The following PPP3CC variants were observed in gnomAD, a reference collection of about 807,000 sequenced individuals.
The protein encoded by PPP3CC is serine/threonine-protein phosphatase 2B catalytic subunit gamma isoform.
Under a neutral mutation model 60.3 loss-of-function variants are expected in PPP3CC, and 35 were observed. The ratio of observed to expected loss-of-function variants is 0.58; its 90% CI spans 0.44 to 0.77. The LOEUF is 0.77. PPP3CC is among the 30% of genes least tolerant of loss of function. The pLI is 0.00. For synonymous variants in PPP3CC, 206 were observed against 224.3 expected (o/e 0.92, Z 0.73); for missense variants, 570 against 628.9 (o/e 0.91, Z 1.00).
chr8:22,473,407 A>G (rs781197571), intron 1 of PPP3CC, among the ~76,000 whole-genome samples: 1 of 152,196 alleles, frequency 6.6e-6, no homozygotes, highest in Non-Finnish European at 1.5e-5. Context: ...TACCTAATGT[A>G]AACTGAAGGT....
intron 1 of PPP3CC, among the ~76,000 whole-genome samples, chr8:22,471,664 C>T (rs1260499832): frequency 6.6e-6 from 1 of 152,082 alleles, no homozygotes; most frequent in East Asian, 1.9e-4. Flanking sequence ...AACTGGTACA[C>T]CTGTATAGGG....
chr8:22,488,749 T>A (rs550208307), intron 3 of PPP3CC, among the ~76,000 whole-genome samples: 8 of 152,296 alleles, frequency 5.3e-5, no homozygotes, highest in Admixed American at 1.3e-4. Flanking sequence ...CAGGGCAGGT[T>A]CTTTTGAAGA....
chr8:22,484,510 T>C (rs1290896497), intron 3 of PPP3CC, among the ~76,000 whole-genome samples: 1 of 152,196 alleles, frequency 6.6e-6, no homozygotes, highest in Non-Finnish European at 1.5e-5. Context: ...CCAAACTTAA[T>C]GTTCTTTTTT....
At chr8:22,454,145 AAC>A (rs1350081307) in intron 1 of PPP3CC, among the ~76,000 whole-genome samples, 2 of 152,226 alleles carry the variant, frequency 1.3e-5, no homozygotes, top group Non-Finnish European at 2.9e-5. Context: ...TTAAAACACA[AAC>A]ACATATAGCT....
At chr8:22,493,869 A>G (rs1011290589) in intron 3 of PPP3CC, among the ~76,000 whole-genome samples, 9 of 152,236 alleles carry the variant, frequency 5.9e-5, no homozygotes, top group Admixed American at 3.9e-4. Context: ...ATTTATTATT[A>G]TCAGGTATTA....
At chr8:22,476,764 C>G (rs1164199308) in intron 3 of PPP3CC, among the ~76,000 whole-genome samples, 7 of 151,906 alleles carry the variant, frequency 4.6e-5, no homozygotes, top group Non-Finnish European at 7.4e-5. Flanking sequence ...AACGCCGTCT[C>G]TACTAAAAAT....
At chr8:22,454,319 C>T (rs766251804) in intron 1 of PPP3CC, among the ~76,000 whole-genome samples, 12 of 152,216 alleles carry the variant, frequency 7.9e-5, no homozygotes, top group African/African-American at 1.4e-4. Context: ...ACCTCCACCT[C>T]CTGTCCCACT....
At chr8:22,516,819 A>G (rs1463815317) in intron 6 of PPP3CC, among the ~76,000 whole-genome samples, 1 of 152,200 alleles carries the variant, frequency 6.6e-6, no homozygotes, top group East Asian at 1.9e-4. Context: ...AGGGTCCCTA[A>G]GCACAAAAAG....
intron 1 of PPP3CC, among the ~76,000 whole-genome samples, chr8:22,468,186 C>G (rs1837605460): frequency 6.6e-6 from 1 of 152,178 alleles, no homozygotes; most frequent in South Asian, 2.1e-4. Context: ...TCACTGCAAC[C>G]TCTGCCTCCC....
intron 3 of PPP3CC, among the ~76,000 whole-genome samples, chr8:22,485,323 A>G (rs928835890): frequency 3.9e-5 from 6 of 152,206 alleles, no homozygotes; most frequent in Non-Finnish European, 7.4e-5. Context: ...GAAAGAAAAA[A>G]GAGAGATCCC....
In PPP3CC at chr8:22,530,829, C is replaced by CAA. The variant is rs58626647; in HGVS notation, c.1142-1370_1142-1369dup. Among the ~76,000 whole-genome samples the CAA allele has an allele frequency of 1.4e-3, 83 of 58,028 alleles. 3 individuals are homozygous for CAA. Among genetic ancestry groups the CAA allele is most frequent in the Non-Finnish European group, 2.4e-3 (71 of 29,290 alleles). 38.1% of individuals were successfully genotyped at this position (58,028 alleles called of 152,430 possible). ...CCTGGCGACAGAGCGAGACTCATCT[C>CAA]AAAAAAAAAAAAAAAAAAAAAAAAA... On this transcript the variant is annotated intron_variant, in intron 10 of 13. Coordinates refer to ENST00000240139, the MANE Select transcript of PPP3CC (RefSeq NM_005605.5).
intron 1 of PPP3CC, among the ~76,000 whole-genome samples, chr8:22,463,975 A>T (rs1439899444): frequency 1.3e-5 from 2 of 152,028 alleles, no homozygotes. Flanking sequence ...TTTAAGAGAG[A>T]TGGGGTTTCA....
rs779481855 is a variant in PPP3CC at position 22,532,346 on chromosome 8, T to G, written c.1223+40T>G. The G allele has an allele frequency of 2.6e-6, 4 of 1,509,974 alleles. No individual in the cohort carries two copies. The African/African-American group carries it at 4.2e-5, about 16-fold the overall frequency. 93.5% of individuals were successfully genotyped at this position (1,509,974 alleles called of 1,614,324 possible). On this transcript the variant is annotated intron_variant, in intron 11 of 13. Transcript: ENST00000240139. ...CATTACAGTGCGGATTAAAGGCATT[T>G]TGAGAGTAAATTAGACGTCGAATTC... is the stretch of plus-strand genomic sequence containing the variant.
chr8:22,527,543 A>T lies in PPP3CC; in HGVS notation c.1069+26A>T, dbSNP rs533720362. ...GTAAGAGAACTAAAGCACATGTCTCATCAGTTGTTTGGTGACTGAGCATAC... is the reference window on the plus strand; with the variant it reads ...GTAAGAGAACTAAAGCACATGTCTCTTCAGTTGTTTGGTGACTGAGCATAC... On this transcript the variant is annotated intron_variant, in intron 9 of 13. Coordinates refer to ENST00000240139, the MANE Select transcript of PPP3CC (RefSeq NM_005605.5). The T allele has an allele frequency of 1.6e-5, 25 of 1,610,832 alleles. No homozygotes were observed. In the South Asian group the frequency reaches 2.6e-4, roughly 17 times the overall value.
At chr8:22,531,385 T>TAACCA in intron 10 of PPP3CC, 3 of 1,453,466 alleles carry the variant, frequency 2.1e-6, no homozygotes, top group Non-Finnish European at 2.8e-6. Context: ...CACCATAGTC[T>TAACCA]ATTGGTTAGA....
At chr8:22,529,493 CCTT>C (rs1425927447) in intron 10 of PPP3CC, among the ~76,000 whole-genome samples, 2 of 152,014 alleles carry the variant, frequency 1.3e-5, no homozygotes, top group Non-Finnish European at 2.9e-5. Context: ...TATCTTCTAT[CCTT>C]TTTTTGAGAC....
intron 12 of PPP3CC, 72 bp from the exon 13 acceptor site, chr8:22,539,397 A>T: frequency 6.5e-7 from 1 of 1,547,840 alleles, no homozygotes; most frequent in East Asian, 2.3e-5. Context: ...CTGTGCTGCC[A>T]TCAGTGCTGT....
At chr8:22,456,093 T>A (rs1019940453) in intron 1 of PPP3CC, among the ~76,000 whole-genome samples, 1 of 152,206 alleles carries the variant, frequency 6.6e-6, no homozygotes, top group Non-Finnish European at 1.5e-5. Flanking sequence ...TGGCTTAAAA[T>A]AGGAGTGAAA....
At chr8:22,469,552 A>G (rs1419962396) in intron 1 of PPP3CC, among the ~76,000 whole-genome samples, 2 of 152,162 alleles carry the variant, frequency 1.3e-5, no homozygotes, top group East Asian at 3.9e-4. Context: ...AAATTTGCAC[A>G]AATAAAAAGA....
Sources: gnomAD v4.1 joint callset for allele counts (sites outside exome capture counted in the v4.1 genomes callset) on GRCh38, gnomAD v4.1.1 for gene constraint, MANE v1.5 for transcripts, NCBI Gene and HGNC (gene_info 2026-07-23, HGNC 2026-07-21) for gene names.